Variants in SNX3 observed in about 807,000 individuals in gnomAD.
The protein encoded by SNX3 is sorting nexin-3.
Under a neutral mutation model 17.7 loss-of-function variants are expected in SNX3, and 5 were observed. The ratio of observed to expected loss-of-function variants is 0.28; its 90% CI spans 0.15 to 0.59. The LOEUF is 0.59. SNX3 is among the 20% of genes least tolerant of loss of function. SNX3 has a pLI of 0.88. For missense variants in SNX3, 132 were observed against 206.8 expected (o/e 0.64, Z 2.22); for synonymous variants, 91 against 76.5 (o/e 1.19, Z -0.99).
chr6:108,249,145 A>C (rs1187723345), intron 1 of SNX3, among the ~76,000 whole-genome samples: 1 of 152,168 alleles, frequency 6.6e-6, no homozygotes, highest in Non-Finnish European at 1.5e-5. Flanking sequence ...GGATCACTTG[A>C]GCTCACGAGC....
intron 2 of SNX3, among the ~76,000 whole-genome samples, chr6:108,222,480 T>G (rs890191880): frequency 6.6e-6 from 1 of 152,222 alleles, no homozygotes; most frequent in African/African-American, 2.4e-5. Flanking sequence ...AACGCTAATC[T>G]GAAGAATATC....
At chr6:108,234,164 G>C (rs1775252522) in intron 1 of SNX3, among the ~76,000 whole-genome samples, 1 of 151,894 alleles carries the variant, frequency 6.6e-6, no homozygotes, top group African/African-American at 2.4e-5. Flanking sequence ...TTATCACACA[G>C]CTCTTTGATG....
intron 1 of SNX3, among the ~76,000 whole-genome samples, chr6:108,236,820 TTAA>T (rs1284721029): frequency 2.0e-5 from 3 of 152,194 alleles, no homozygotes; most frequent in African/African-American, 7.2e-5. Context: ...GATACATATA[TTAA>T]TAAACTCTTC....
chr6:108,234,238 C>CAT (rs10655859), intron 1 of SNX3, among the ~76,000 whole-genome samples: 11,693 of 148,172 alleles, frequency 0.079, 549 homozygotes, highest in South Asian at 0.22. Flanking sequence ...ATATAAAAAA[C>CAT]ATATATATAT....
rs1774405517 is a variant in SNX3, at chr6:108,211,549, A to G, written c.*600T>C. On this transcript the variant is annotated 3_prime_UTR_variant, in exon 4 of 4. Coordinates refer to ENST00000230085, the MANE Select transcript of SNX3 (RefSeq NM_003795.6). ...AATGCATTTTAATTTTTATTTGAAAACAACTTAAATTTTTAGACAAATGAT... is the reference window on the plus strand; with the variant it reads ...AATGCATTTTAATTTTTATTTGAAAGCAACTTAAATTTTTAGACAAATGAT... 6.5e-6 allele frequency: 1 copy of G among 152,684 alleles called. No individual in the cohort carries two copies. The highest frequency in any genetic ancestry group is 2.1e-4 in the South Asian group (1 of 4,834). The allele number at this position is 152,684 out of a possible 1,614,324, so 9.5% of individuals were successfully genotyped here.
intron 1 of SNX3, among the ~76,000 whole-genome samples, chr6:108,238,897 TTTTC>T (rs1208337032): frequency 5.5e-4 from 84 of 151,842 alleles, no homozygotes; most frequent in African/African-American, 1.4e-3. Flanking sequence ...TTGTGACACC[TTTTC>T]TTTCTTTTTT....
intron 1 of SNX3, among the ~76,000 whole-genome samples, chr6:108,225,598 C>A (rs1175374197): frequency 6.6e-6 from 1 of 152,130 alleles, no homozygotes; most frequent in Non-Finnish European, 1.5e-5. Context: ...CTCCACTGCA[C>A]TCTAGCCTGA....
At chr6:108,249,023 G>A (rs956757924) in intron 1 of SNX3, among the ~76,000 whole-genome samples, 10 of 152,052 alleles carry the variant, frequency 6.6e-5, no homozygotes, top group African/African-American at 2.4e-4. Context: ...TTATACAACT[G>A]CACATTGCCA....
intron 1 of SNX3, among the ~76,000 whole-genome samples, chr6:108,259,822 T>C (rs1202812158): frequency 8.5e-5 from 13 of 152,228 alleles, no homozygotes. Context: ...GTCATATAAA[T>C]TTTGATTAAA....
intron 1 of SNX3, among the ~76,000 whole-genome samples, chr6:108,241,308 G>T (rs1488886401): frequency 6.6e-6 from 1 of 152,020 alleles, no homozygotes; most frequent in East Asian, 1.9e-4. Context: ...TAAAAGCTGG[G>T]GCGAACTTGT....
chr6:108,241,177 T>C lies in SNX3; in HGVS notation c.163-18132A>G, dbSNP rs534369947. Among the ~76,000 whole-genome samples, 576 of 146,840 alleles carry C rather than the reference T, an allele frequency of 3.9e-3. 2 individuals carry two copies. The highest frequency in any genetic ancestry group is 7.0e-3 in the Non-Finnish European group (468 of 66,944). ...AAAAAAAAAAAAAAAAAAGTATGTG[T>C]GCTTACACAAAGCTGTATGCATGCT... On this transcript the variant is annotated intron_variant, in intron 1 of 3. Transcript: ENST00000230085.
At chr6:108,257,619 CTAATTTCCTTACTATA>C (rs1776068706) in intron 1 of SNX3, among the ~76,000 whole-genome samples, 1 of 152,180 alleles carries the variant, frequency 6.6e-6, no homozygotes, top group South Asian at 2.1e-4. Context: ...CAAATAAGGC[CTAATTTCCTTACTATA>C]TGGTGTCCTT....
chr6:108,212,452 C>G (rs1774435876), intron 3 of SNX3, among the ~76,000 whole-genome samples, 198 bp from the exon 4 acceptor site: 1 of 152,040 alleles, frequency 6.6e-6, no homozygotes, highest in Non-Finnish European at 1.5e-5. Context: ...GATTTCGTGC[C>G]TCAGCCCCCT....
chr6:108,219,448 A>T (rs1019544378), intron 2 of SNX3, among the ~76,000 whole-genome samples: 3 of 152,008 alleles, frequency 2.0e-5, no homozygotes, highest in African/African-American at 4.8e-5. Flanking sequence ...CTTACAAAAA[A>T]TTTTTTAAAA....
At chr6:108,237,453 T>C (rs1396787432) in intron 1 of SNX3, among the ~76,000 whole-genome samples, 1 of 152,168 alleles carries the variant, frequency 6.6e-6, no homozygotes, top group Non-Finnish European at 1.5e-5. Context: ...ATGATGTTAC[T>C]TAGAATGCTA....
intron 3 of SNX3, among the ~76,000 whole-genome samples, chr6:108,212,882 C>CTTTTT (rs776376957): frequency 3.4e-5 from 4 of 118,952 alleles, no homozygotes; most frequent in Admixed American, 9.0e-5. Context: ...TCCTAAGAAT[C>CTTTTT]TTTTTTTTTT....
chr6:108,225,765 G>A (rs1024798509), intron 1 of SNX3, among the ~76,000 whole-genome samples: 1 of 152,130 alleles, frequency 6.6e-6, no homozygotes, highest in African/African-American at 2.4e-5. Context: ...GCCAGGCATG[G>A]TGGCTCATGC....
intron 2 of SNX3, among the ~76,000 whole-genome samples, chr6:108,217,141 T>C (rs1404338335): frequency 1.3e-5 from 2 of 152,064 alleles, no homozygotes; most frequent in African/African-American, 4.8e-5. Context: ...GGGTAGAATT[T>C]AGCATGAAAC....
intron 1 of SNX3, among the ~76,000 whole-genome samples, chr6:108,239,204 T>C (rs1437632651): frequency 6.6e-6 from 1 of 152,078 alleles, no homozygotes; most frequent in East Asian, 1.9e-4. Flanking sequence ...TGCCTAGCCC[T>C]TGACACCTTT....
Sources: gnomAD v4.1 joint callset for allele counts (sites outside exome capture counted in the v4.1 genomes callset) on GRCh38, gnomAD v4.1.1 for gene constraint, MANE v1.5 for transcripts, NCBI Gene and HGNC (gene_info 2026-07-23, HGNC 2026-07-21) for gene names.